Variants in RAD51B observed in about 807,000 individuals in gnomAD.
RAD51B encodes DNA repair protein RAD51 homolog 2.
In RAD51B, 38 loss-of-function variants were observed where a neutral mutation model predicts 42.2. The observed-to-expected ratio is 0.90, with a 90% CI of 0.70 to 1.18. RAD51B has a LOEUF of 1.18. RAD51B is among the 50% of genes most tolerant of loss of function. The pLI is 0.00. For synonymous variants in RAD51B, 154 were observed against 145.2 expected, an observed-to-expected ratio of 1.06 and a Z score of -0.43; for missense variants, 373 against 400.7, an observed-to-expected ratio of 0.93 and a Z score of 0.59.
intron 8 of RAD51B, among the ~76,000 whole-genome samples, chr14:68,359,088 C>A (rs1386825662): frequency 1.3e-5 from 2 of 152,006 alleles, no homozygotes; most frequent in Non-Finnish European, 2.9e-5. Context: ...CATAGGCCAG[C>A]CTCTCTGAGT....
chr14:67,929,619 C>G (rs2044652025), intron 7 of RAD51B, among the ~76,000 whole-genome samples: 1 of 152,072 alleles, frequency 6.6e-6, no homozygotes, highest in Admixed American at 6.5e-5. Context: ...CCGTTTAAGT[C>G]TGATGTTTCT....
chr14:67,874,030 T>A (rs1368634292), intron 5 of RAD51B, among the ~76,000 whole-genome samples: 1 of 151,808 alleles, frequency 6.6e-6, no homozygotes, highest in Non-Finnish European at 1.5e-5. Flanking sequence ...ATGGCACATG[T>A]ATACATATGT....
downstream of RAD51B, among the ~76,000 whole-genome samples, chr14:68,613,706 G>T (rs948954619): frequency 1.3e-5 from 2 of 152,044 alleles, no homozygotes; most frequent in African/African-American, 2.4e-5. Context: ...CACCCGCCTT[G>T]ACCTCCCAAA....
intron 10 of RAD51B, among the ~76,000 whole-genome samples, chr14:68,564,824 G>A (rs1186126869): frequency 6.6e-6 from 1 of 152,212 alleles, no homozygotes. Context: ...GGGTCGCAGA[G>A]ACACACTCAA....
intron 10 of RAD51B, among the ~76,000 whole-genome samples, chr14:68,503,411 G>A (rs1885058916): frequency 6.6e-6 from 1 of 151,972 alleles, no homozygotes; most frequent in Non-Finnish European, 1.5e-5. Context: ...AGCTGAGGAG[G>A]AGGCATCTCC....
chr14:68,448,977 A>C (rs900433114), intron 9 of RAD51B, among the ~76,000 whole-genome samples: 6 of 152,224 alleles, frequency 3.9e-5, no homozygotes, highest in Non-Finnish European at 8.8e-5. Flanking sequence ...ATATATCAAA[A>C]TATTTATGTA....
At chr14:68,630,431 A>T (rs903462402) in intron 10 of RAD51B, among the ~76,000 whole-genome samples, 3 of 152,010 alleles carry the variant, frequency 2.0e-5, no homozygotes, top group African/African-American at 7.3e-5. Flanking sequence ...GTGACCTAGA[A>T]CTTGACCTCC....
chr14:67,867,375 G>T (rs1876964300), intron 5 of RAD51B, among the ~76,000 whole-genome samples: 1 of 152,138 alleles, frequency 6.6e-6, no homozygotes, highest in Non-Finnish European at 1.5e-5. Context: ...GCTGGCACTG[G>T]GTCACTCAGG....
At chr14:68,159,834 A>G (rs1026113670) in intron 7 of RAD51B, among the ~76,000 whole-genome samples, 5 of 151,748 alleles carry the variant, frequency 3.3e-5, no homozygotes, top group Non-Finnish European at 7.4e-5. Flanking sequence ...TTAGATTTTC[A>G]TTTTCCTATT....
At chr14:68,148,399 C>T (rs1183897950) in intron 7 of RAD51B, among the ~76,000 whole-genome samples, 1 of 152,204 alleles carries the variant, frequency 6.6e-6, no homozygotes, top group East Asian at 1.9e-4. Context: ...TTGTAAGAAA[C>T]TGCCAAACTG....
At chr14:68,649,738 T>G (rs1892662203) in intron 10 of RAD51B, among the ~76,000 whole-genome samples, 1 of 152,194 alleles carries the variant, frequency 6.6e-6, no homozygotes, top group Admixed American at 6.5e-5. Context: ...CAGGGCTGTA[T>G]GGGGCAGATT....
chr14:68,294,934 G>C (rs957407605), intron 8 of RAD51B, among the ~76,000 whole-genome samples: 1 of 152,200 alleles, frequency 6.6e-6, no homozygotes, highest in South Asian at 2.1e-4. Flanking sequence ...AAAATCAGAA[G>C]TGTGTGCAAA....
At position 68,567,485 on chromosome 14, in the gene RAD51B, T is replaced by C. The variant is rs142275895; in HGVS notation, c.1037-27000T>C. On this transcript the variant is annotated intron_variant, in intron 10 of 10. Coordinates refer to the RAD51B transcript ENST00000487270. ...ACTGATGAACCTACACTGACATCAT[T>C]GTCATCCAAAGTCCATGGTTTACAT... 2.6e-5 allele frequency among the ~76,000 whole-genome samples: 4 copies of C among 152,310 alleles called. No individual in the cohort carries two copies. The East Asian group carries it at 7.7e-4, about 29-fold the overall frequency.
intron 7 of RAD51B, among the ~76,000 whole-genome samples, chr14:68,282,640 A>G (rs910895864): frequency 5.9e-5 from 9 of 152,174 alleles, no homozygotes; most frequent in African/African-American, 2.2e-4. Flanking sequence ...GTTCAAGAGC[A>G]TATCTGATGA....
At chr14:68,060,778 T>A (rs1446054493) in intron 7 of RAD51B, among the ~76,000 whole-genome samples, 1 of 152,224 alleles carries the variant, frequency 6.6e-6, no homozygotes, top group Non-Finnish European at 1.5e-5. Flanking sequence ...AATTAGCATT[T>A]CCTATTGAAG....
intron 10 of RAD51B, among the ~76,000 whole-genome samples, chr14:68,517,729 A>C (rs1886259010): frequency 1.3e-5 from 2 of 152,214 alleles, no homozygotes; most frequent in Non-Finnish European, 2.9e-5. Flanking sequence ...ACTAGAAAAC[A>C]TATCATTAGG....
chr14:68,377,684 AG>A (rs2083398834), intron 8 of RAD51B, among the ~76,000 whole-genome samples: 1 of 152,222 alleles, frequency 6.6e-6, no homozygotes, highest in African/African-American at 2.4e-5. Flanking sequence ...TGCCACAAAC[AG>A]AGGAGGGCTT....
At chr14:68,593,132 G>A (rs1004187701) in intron 10 of RAD51B, among the ~76,000 whole-genome samples, 16 of 152,202 alleles carry the variant, frequency 1.1e-4, no homozygotes, top group African/African-American at 2.7e-4. Context: ...ATTTATTCCC[G>A]CCTGCAGCAT....
chr14:67,880,699 T>A (rs1285912425), intron 5 of RAD51B, among the ~76,000 whole-genome samples: 11 of 152,234 alleles, frequency 7.2e-5, no homozygotes, highest in Admixed American at 7.2e-4. Context: ...TGGTAATGGA[T>A]CTTTTCCTCT....
Sources: allele counts gnomAD v4.1 joint callset (sites outside exome capture counted in the v4.1 genomes callset), GRCh38; gene constraint gnomAD v4.1.1; transcripts MANE v1.5; gene names NCBI Gene and HGNC (gene_info 2026-07-23, HGNC 2026-07-21).